Variants in RPS6KC1 observed in about 807,000 individuals in gnomAD.
The protein encoded by RPS6KC1 is inactive ribosomal protein S6 kinase delta-1.
RPS6KC1 carries 54 observed loss-of-function variants against 103.8 expected under a neutral mutation model. That is an observed-to-expected ratio of 0.52 (90% CI 0.42 to 0.65). RPS6KC1 has a LOEUF of 0.65. RPS6KC1 is among the 30% of genes least tolerant of loss of function. The pLI, the probability that RPS6KC1 is intolerant of heterozygous loss-of-function variation, is 0.00. For missense variants in RPS6KC1, 1,151 were observed against 1,253.8 expected (o/e 0.92, Z 1.24); for synonymous variants, 439 against 438.7 (o/e 1.00, Z -0.01).
chr1:213,323,596 G>A, the RPS6KC1 span, among the ~76,000 whole-genome samples: 1 of 152,192 alleles, frequency 6.6e-6, no homozygotes, highest in South Asian at 2.1e-4. Flanking sequence ...AGTTGGAGTG[G>A]GAAGGGACCA....
the RPS6KC1 span, among the ~76,000 whole-genome samples, chr1:213,464,609 T>C: frequency 6.6e-6 from 1 of 152,138 alleles, no homozygotes; most frequent in South Asian, 2.1e-4. Context: ...TTATTTGGCA[T>C]ATTTATTTTT....
the RPS6KC1 span, among the ~76,000 whole-genome samples, chr1:213,440,115 T>C: frequency 3.3e-5 from 5 of 152,154 alleles, no homozygotes; most frequent in Non-Finnish European, 5.9e-5. Context: ...ATCAGATACA[T>C]TGCACAGCAA....
chr1:213,526,711 C>G, the RPS6KC1 span, among the ~76,000 whole-genome samples: 1 of 152,252 alleles, frequency 6.6e-6, no homozygotes, highest in East Asian at 1.9e-4. Flanking sequence ...ATTTCCTCAT[C>G]TATAAAGTGG....
chr1:213,849,490 A>G, the RPS6KC1 span, among the ~76,000 whole-genome samples: 2 of 152,154 alleles, frequency 1.3e-5, no homozygotes, highest in Non-Finnish European at 2.9e-5. Flanking sequence ...TTTATTTCTG[A>G]TTCTACCTAT....
intron 12 of RPS6KC1, among the ~76,000 whole-genome samples, chr1:213,251,390 G>A (rs950612777): frequency 1.6e-4 from 25 of 152,184 alleles, no homozygotes; most frequent in Admixed American, 1.6e-3. Flanking sequence ...ACAGGCGTGA[G>A]CCACCGTTCC....
the RPS6KC1 span, among the ~76,000 whole-genome samples, chr1:213,789,263 T>A: frequency 6.6e-5 from 10 of 152,336 alleles, no homozygotes; most frequent in East Asian, 1.5e-3. Context: ...AGGGCCAGGA[T>A]GGTGTCTATT....
At chr1:213,205,808 A>G (rs2093334642) in intron 8 of RPS6KC1, among the ~76,000 whole-genome samples, 1 of 151,898 alleles carries the variant, frequency 6.6e-6, no homozygotes, top group South Asian at 2.1e-4. Context: ...TACAAGTTAA[A>G]TATCTCTTAT....
At chr1:213,589,722 C>T in the RPS6KC1 span, among the ~76,000 whole-genome samples, 1 of 151,764 alleles carries the variant, frequency 6.6e-6, no homozygotes, top group Non-Finnish European at 1.5e-5. Context: ...CTCAGATCAT[C>T]ATGTTTCCCA....
chr1:213,160,688 A>C (rs1033562324), intron 6 of RPS6KC1, among the ~76,000 whole-genome samples: 27 of 151,698 alleles, frequency 1.8e-4, no homozygotes, highest in Admixed American at 1.7e-3. Context: ...GGATGAGTTC[A>C]TGTCCTTTGT....
chr1:213,083,059 C>A (rs1017666659), intron 3 of RPS6KC1, among the ~76,000 whole-genome samples: 1 of 152,054 alleles, frequency 6.6e-6, no homozygotes, highest in African/African-American at 2.4e-5. Flanking sequence ...GAGTAAACCC[C>A]AATAAGAGTC....
intron 1 of RPS6KC1, among the ~76,000 whole-genome samples, chr1:213,067,488 C>T (rs1433205167): frequency 6.6e-6 from 1 of 152,144 alleles, no homozygotes; most frequent in Non-Finnish European, 1.5e-5. Context: ...AGCCTTACAT[C>T]ACTAAACCAT....
At chr1:213,309,591 A>G in the RPS6KC1 span, among the ~76,000 whole-genome samples, 1 of 152,224 alleles carries the variant, frequency 6.6e-6, no homozygotes, top group Non-Finnish European at 1.5e-5. Flanking sequence ...GAAGCTGGTG[A>G]TGGGCAAGAC....
the RPS6KC1 span, among the ~76,000 whole-genome samples, chr1:213,704,172 G>A: frequency 3.3e-5 from 5 of 151,570 alleles, no homozygotes; most frequent in Non-Finnish European, 7.4e-5. Flanking sequence ...CGGATCACGA[G>A]GTCAGGAGAT....
the RPS6KC1 span, among the ~76,000 whole-genome samples, chr1:213,688,537 GTTTC>G: frequency 3.5e-3 from 535 of 152,230 alleles, 5 homozygotes; most frequent in African/African-American, 0.012. Context: ...AGTTGCCTCT[GTTTC>G]CAAAACTTTC....
At chr1:213,433,179 T>G in the RPS6KC1 span, among the ~76,000 whole-genome samples, 2 of 152,194 alleles carry the variant, frequency 1.3e-5, no homozygotes, top group African/African-American at 2.4e-5. Flanking sequence ...CATGGACTGC[T>G]TCCTCTGTCT....
At chr1:213,389,123 C>CTT in the RPS6KC1 span, among the ~76,000 whole-genome samples, 1 of 144,752 alleles carries the variant, frequency 6.9e-6, no homozygotes, top group Non-Finnish European at 1.5e-5. Context: ...CTGGAGCTAG[C>CTT]TTTTTTTTTT....
chr1:213,528,045 T>C, the RPS6KC1 span, among the ~76,000 whole-genome samples: 1 of 152,114 alleles, frequency 6.6e-6, no homozygotes, highest in Non-Finnish European at 1.5e-5. Flanking sequence ...AGGGTAGGTC[T>C]TGCTGTCTCA....
the RPS6KC1 span, among the ~76,000 whole-genome samples, chr1:213,709,825 G>A: frequency 1.1e-4 from 17 of 152,244 alleles, no homozygotes; most frequent in African/African-American, 3.1e-4. Flanking sequence ...GTAGTTGTGC[G>A]GTTTTGAGTG....
the RPS6KC1 span, among the ~76,000 whole-genome samples, chr1:213,359,329 T>C: frequency 6.6e-6 from 1 of 152,232 alleles, no homozygotes; most frequent in South Asian, 2.1e-4. Flanking sequence ...TTTGTCTCTT[T>C]TGATCTTTGT....
Sources: allele counts gnomAD v4.1 joint callset (sites outside exome capture counted in the v4.1 genomes callset), GRCh38; gene constraint gnomAD v4.1.1; transcripts MANE v1.5; gene names NCBI Gene and HGNC (gene_info 2026-07-23, HGNC 2026-07-21).